EVI5: variants seen among roughly 807,000 people sequenced by gnomAD.
EVI5 encodes ecotropic viral integration site 5 protein homolog.
A neutral mutation model predicts 112.0 loss-of-function variants in EVI5; 73 were observed. The ratio of observed to expected loss-of-function variants is 0.65; its 90% CI spans 0.54 to 0.79. The LOEUF is 0.79. Among genes scored for constraint, EVI5 ranks in the 30% least tolerant of loss-of-function variants. The pLI is 0.00. For missense variants in EVI5, 900 were observed against 968.8 expected (o/e 0.93, Z 0.94); for synonymous variants, 305 against 319.9 (o/e 0.95, Z 0.50).
At chr1:92,785,576 T>A (rs2103135476), upstream of EVI5, among the ~76,000 whole-genome samples, 1 of 152,348 alleles carries the variant, frequency 6.6e-6, no homozygotes, top group East Asian at 1.9e-4. Flanking sequence ...CTCTTACACG[T>A]GTCTTCGCAT....
intron 9 of EVI5, among the ~76,000 whole-genome samples, chr1:92,680,877 C>A (rs1048585752): frequency 1.3e-5 from 2 of 152,088 alleles, no homozygotes; most frequent in African/African-American, 2.4e-5. Context: ...CCTGTACACT[C>A]TTTAAATATA....
chr1:92,521,681 G>C (rs1156968321), intron 19 of EVI5, among the ~76,000 whole-genome samples: 1 of 147,162 alleles, frequency 6.8e-6, no homozygotes, highest in Non-Finnish European at 1.5e-5. Context: ...GACAGAGTGA[G>C]ACTCCGTCTC....
intron 14 of EVI5, among the ~76,000 whole-genome samples, chr1:92,627,270 T>C (rs1655890921): frequency 6.6e-6 from 1 of 152,244 alleles, no homozygotes; most frequent in South Asian, 2.1e-4. Context: ...ATGCTTGGTT[T>C]TCCATTCCTG....
Position 92,512,591 on chromosome 1 carries a change from G to T in EVI5, c.*1065C>A, listed in dbSNP as rs1445281153. 6.6e-6 allele frequency: 1 copy of T among 152,110 alleles called. No individual in the cohort carries two copies. The highest frequency in any genetic ancestry group is 1.5e-5 in the Non-Finnish European group (1 of 68,026). 9.4% of individuals were successfully genotyped at this position (152,110 alleles called of 1,614,324 possible). Reference sequence around the variant, plus strand: ...CATATAAAATGATGTTCAATGTTAGGTGGTACAGATTTATAAATATGTACA... The same window carrying T: ...CATATAAAATGATGTTCAATGTTAGTTGGTACAGATTTATAAATATGTACA... On this transcript the variant is annotated 3_prime_UTR_variant, in exon 20 of 20. Coordinates refer to ENST00000684568, the MANE Select transcript of EVI5 (RefSeq NM_001350197.2).
intron 14 of EVI5, 26 bp downstream of exon 14, chr1:92,636,176 T>A: frequency 6.3e-7 from 1 of 1,588,132 alleles, no homozygotes; most frequent in Non-Finnish European, 8.6e-7. Flanking sequence ...AATTTGGGAA[T>A]GACTGCATTT....
Position 92,736,601 on chromosome 1 carries a change from C to T in EVI5, c.-55G>A, listed in dbSNP as rs564969789. The T allele has an allele frequency of 1.2e-6, 2 of 1,613,896 alleles. No individual in the cohort carries two copies. The highest frequency in any genetic ancestry group is 2.7e-5 in the African/African-American group (2 of 75,024). On this transcript the variant is annotated 5_prime_UTR_variant, in exon 2 of 20. Coordinates refer to ENST00000684568, the MANE Select transcript of EVI5 (RefSeq NM_001350197.2). ...TCACCCATGAGAGAGTAGAGCTCAG[C>T]TTTTCTGCAACTTTGTCTGTCGCCA...
At chr1:92,702,813 A>G (rs2184861) in intron 4 of EVI5, among the ~76,000 whole-genome samples, 6 of 27,198 alleles carry the variant, frequency 2.2e-4, no homozygotes, top group East Asian at 0.011. Flanking sequence ...TCTCAAAAAA[A>G]AAAAAAAAAA....
At chr1:92,688,097 G>A (rs534610113) in intron 9 of EVI5, among the ~76,000 whole-genome samples, 24 of 152,126 alleles carry the variant, frequency 1.6e-4, no homozygotes, top group African/African-American at 2.7e-4. Flanking sequence ...TATTTATTGC[G>A]GCACTATTTA....
At chr1:92,623,885 C>G (rs761092211) in intron 16 of EVI5, among the ~76,000 whole-genome samples, 1 of 152,196 alleles carries the variant, frequency 6.6e-6, no homozygotes, top group Admixed American at 6.5e-5. Flanking sequence ...AAATTTTGCT[C>G]TGCATGGTGT....
intron 19 of EVI5, among the ~76,000 whole-genome samples, chr1:92,520,852 T>TAA (rs548763369): frequency 3.3e-5 from 4 of 121,650 alleles, no homozygotes; most frequent in South Asian, 2.6e-4. Flanking sequence ...CAACCCTGTC[T>TAA]AAAAAAAAAA....
At chr1:92,775,763 G>C in intron 1 of EVI5, among the ~76,000 whole-genome samples, 1 of 152,150 alleles carries the variant, frequency 6.6e-6, no homozygotes, top group East Asian at 1.9e-4. Flanking sequence ...AAGGCCAATG[G>C]GGATTTTGTG....
chr1:92,636,101 G>T, intron 14 of EVI5, 101 bp downstream of exon 14: 1 of 948,052 alleles, frequency 1.1e-6, no homozygotes, highest in Non-Finnish European at 1.6e-6. Flanking sequence ...GGCTTCTAAT[G>T]TATAAAAACA....
chr1:92,607,761 G>C (rs369556449), intron 16 of EVI5, 34 bp from the exon 17 acceptor site: 4 of 1,473,352 alleles, frequency 2.7e-6, no homozygotes, highest in African/African-American at 2.9e-5. Flanking sequence ...TGAGACTATA[G>C]ATACAAGACC....
chr1:92,682,876 A>G (rs1667844476), intron 9 of EVI5, among the ~76,000 whole-genome samples: 1 of 152,246 alleles, frequency 6.6e-6, no homozygotes. Flanking sequence ...TGTATCTGCT[A>G]AAAGAATGTT....
intron 1 of EVI5, among the ~76,000 whole-genome samples, chr1:92,759,966 A>G (rs1389554251): frequency 1.3e-5 from 2 of 151,640 alleles, no homozygotes; most frequent in Non-Finnish European, 2.9e-5. Context: ...ACATGAGCAT[A>G]CAAGTACCAA....
At chr1:92,792,033 A>G (rs1287675394) in intron 1 of EVI5, among the ~76,000 whole-genome samples, 1 of 152,270 alleles carries the variant, frequency 6.6e-6, no homozygotes, top group Non-Finnish European at 1.5e-5. Context: ...AAACGTAAAC[A>G]GCAGCCAATT....
upstream of EVI5, among the ~76,000 whole-genome samples, chr1:92,787,039 T>A (rs923430864): frequency 6.6e-6 from 1 of 152,224 alleles, no homozygotes; most frequent in African/African-American, 2.4e-5. Context: ...CTCTTACTCC[T>A]TTCACATCGC....
intron 2 of EVI5, chr1:92,731,982 T>G (rs1343207779): frequency 2.0e-5 from 3 of 152,388 alleles, no homozygotes; most frequent in African/African-American, 7.2e-5. Flanking sequence ...TTTGAAATTG[T>G]AACTTAATCA....
intron 1 of EVI5, among the ~76,000 whole-genome samples, chr1:92,761,181 C>T (rs1435256785): frequency 6.6e-6 from 1 of 151,762 alleles, no homozygotes; most frequent in Non-Finnish European, 1.5e-5. Flanking sequence ...TTACAAGTAC[C>T]TCAAGTTTCA....
Sources: gnomAD v4.1 joint callset for allele counts (sites outside exome capture counted in the v4.1 genomes callset) on GRCh38, gnomAD v4.1.1 for gene constraint, MANE v1.5 for transcripts, NCBI Gene and HGNC (gene_info 2026-07-23, HGNC 2026-07-21) for gene names.